KIAA0513: variants seen among roughly 807,000 people sequenced by gnomAD.
The protein encoded by KIAA0513 is KIAA0513.
Under a neutral mutation model 56.5 loss-of-function variants are expected in KIAA0513, and 39 were observed. That is an observed-to-expected ratio of 0.69 (90% CI 0.53 to 0.90). KIAA0513 has a LOEUF of 0.90. Among genes scored for constraint, KIAA0513 ranks in the 40% least tolerant of loss-of-function variants. The probability of loss-of-function intolerance (pLI) is 0.00; values close to 1 mark genes in which losing one functional copy is unlikely to be tolerated. For synonymous variants in KIAA0513, 268 were observed against 215.6 expected, an observed-to-expected ratio of 1.24 and a Z score of -2.13; for missense variants, 591 against 535.2, an observed-to-expected ratio of 1.10 and a Z score of -1.03.
chr16:85,036,803 C>G (rs1463234059), intron 1 of KIAA0513, among the ~76,000 whole-genome samples: 1 of 152,198 alleles, frequency 6.6e-6, no homozygotes, highest in African/African-American at 2.4e-5. Flanking sequence ...TTATTTCACA[C>G]ACAGTTTGGT....
At chr16:85,073,602 C>T (rs982964723) in intron 4 of KIAA0513, among the ~76,000 whole-genome samples, 1 of 152,244 alleles carries the variant, frequency 6.6e-6, no homozygotes, top group Non-Finnish European at 1.5e-5. Context: ...AGGAGCATGA[C>T]TCTCTGGGGT....
chr16:85,046,259 C>T (rs2073169969), intron 1 of KIAA0513, among the ~76,000 whole-genome samples: 1 of 152,216 alleles, frequency 6.6e-6, no homozygotes, highest in Non-Finnish European at 1.5e-5. Flanking sequence ...ATTCTCTTAG[C>T]AGTTTCTTAC....
At chr16:85,040,533 A>G (rs1328543809) in intron 1 of KIAA0513, among the ~76,000 whole-genome samples, 3 of 152,148 alleles carry the variant, frequency 2.0e-5, no homozygotes, top group Non-Finnish European at 4.4e-5. Context: ...CTGCCTCAAA[A>G]AAAAGAAACT....
chr16:85,086,331 C>A (rs368747569), intron 10 of KIAA0513, among the ~76,000 whole-genome samples: 1 of 152,258 alleles, frequency 6.6e-6, no homozygotes, highest in African/African-American at 2.4e-5. Flanking sequence ...GGGCCACCCT[C>A]GCTGCCTGTA....
intron 1 of KIAA0513, among the ~76,000 whole-genome samples, chr16:85,045,338 T>C (rs1265813118): frequency 2.0e-5 from 3 of 152,068 alleles, no homozygotes; most frequent in Admixed American, 6.6e-5. Context: ...TTATATTTGA[T>C]ACTTAAGCAG....
chr16:85,086,514 G>A, intron 10 of KIAA0513, 130 bp from the exon 11 acceptor site: 1 of 834,088 alleles, frequency 1.2e-6, no homozygotes, highest in Non-Finnish European at 2.0e-6. Flanking sequence ...CCGGTGGAAG[G>A]CACCCCCTTC....
At chr16:85,060,328 T>A (rs1413174646) in intron 1 of KIAA0513, among the ~76,000 whole-genome samples, 1 of 152,172 alleles carries the variant, frequency 6.6e-6, no homozygotes, top group Non-Finnish European at 1.5e-5. Flanking sequence ...TTGTTTGGGC[T>A]GCCAGGGAGT....
At chr16:85,044,282 C>T (rs1382612005) in intron 1 of KIAA0513, among the ~76,000 whole-genome samples, 1 of 152,134 alleles carries the variant, frequency 6.6e-6, no homozygotes, top group East Asian at 1.9e-4. Flanking sequence ...GCTGTGTGTG[C>T]AGGGACTCTA....
At chr16:85,085,442 C>G (rs150398284) in intron 10 of KIAA0513, among the ~76,000 whole-genome samples, 24 of 152,388 alleles carry the variant, frequency 1.6e-4, no homozygotes, top group African/African-American at 5.8e-4. Context: ...ATCCCAACCT[C>G]TCACCCTCTC....
rs550925720 is a variant in KIAA0513 at position 85,048,164 on chromosome 16, A to T, written c.-172-18736A>T. ...TGAGCAGAAGCGCCTGATATGCAGG[A>T]TCCTGTGGGCCTCTGGAGCCCATCC... On this transcript the variant is annotated intron_variant, in intron 1 of 12. Transcript: ENST00000683363. Among the ~76,000 whole-genome samples, 36 of 152,336 alleles carry T rather than the reference A, an allele frequency of 2.4e-4. No homozygotes were observed. In the South Asian group the frequency reaches 6.8e-3, roughly 29 times the overall value.
intron 1 of KIAA0513, among the ~76,000 whole-genome samples, chr16:85,047,596 C>T (rs766567940): frequency 2.0e-5 from 3 of 152,218 alleles, no homozygotes; most frequent in Non-Finnish European, 4.4e-5. Flanking sequence ...TGCAGGCTGA[C>T]CCCTCTGCTG....
chr16:85,067,547 G>C, intron 2 of KIAA0513, 147 bp downstream of exon 2: 1 of 643,938 alleles, frequency 1.6e-6, no homozygotes. Flanking sequence ...CGACTGCAGG[G>C]GCCTCACTCC....
intron 2 of KIAA0513, among the ~76,000 whole-genome samples, chr16:85,071,536 G>A (rs2144036189): frequency 6.6e-6 from 1 of 152,296 alleles, no homozygotes; most frequent in African/African-American, 2.4e-5. Flanking sequence ...AAGGCTGGAT[G>A]GAACTCTGGT....
rs1218759845 is a variant in KIAA0513 at position 85,067,020 on chromosome 16, C to G, written c.-52C>G. ...CCTGGGACACCAGGCTGCTGGGCTC[C>G]CCTCTAGGCAGCCTCCCCTCCAGGC... On this transcript the variant is annotated 5_prime_UTR_variant, in exon 2 of 13. Coordinates refer to ENST00000683363, the MANE Select transcript of KIAA0513 (RefSeq NM_001388359.1). The G allele has an allele frequency of 2.0e-6, 3 of 1,471,636 alleles. No individual in the cohort carries two copies. The East Asian group carries it at 6.9e-5, about 34-fold the overall frequency. The allele number at this position is 1,471,636 out of a possible 1,614,324, so 91.2% of individuals were successfully genotyped here.
chr16:85,051,938 G>T (rs754619158), intron 1 of KIAA0513, among the ~76,000 whole-genome samples: 1 of 151,750 alleles, frequency 6.6e-6, no homozygotes, highest in Non-Finnish European at 1.5e-5. Context: ...ACAGGCATAA[G>T]CCATTGTGCC....
rs143910005 is a variant in KIAA0513 at position 85,054,896 on chromosome 16, G to A, written c.-172-12004G>A. On this transcript the variant is annotated intron_variant, in intron 1 of 12. Coordinates refer to ENST00000683363, the MANE Select transcript of KIAA0513 (RefSeq NM_001388359.1). ...TTCGCTTTGTGAGGGTTCATTGAACGGCATCGTTATGATTTATGTATTTTC... is the reference window on the plus strand; with the variant it reads ...TTCGCTTTGTGAGGGTTCATTGAACAGCATCGTTATGATTTATGTATTTTC... Among the ~76,000 whole-genome samples, 262 of 152,202 alleles carry A rather than the reference G, an allele frequency of 1.7e-3. 1 individual carries two copies. Among genetic ancestry groups the A allele is most frequent in the African/African-American group, 5.9e-3 (247 of 41,524 alleles).
At chr16:85,072,515 T>C (rs1426930073) in intron 3 of KIAA0513, among the ~76,000 whole-genome samples, 1 of 152,192 alleles carries the variant, frequency 6.6e-6, no homozygotes, top group African/African-American at 2.4e-5. Context: ...TTTTTAGTTT[T>C]TGAGTATTTT....
intron 2 of KIAA0513, among the ~76,000 whole-genome samples, chr16:85,069,565 C>T (rs571065327): frequency 1.3e-5 from 2 of 152,136 alleles, no homozygotes; most frequent in East Asian, 3.9e-4. Context: ...GGTTCACTGC[C>T]TGTTAATATC....
At chr16:85,050,702 G>A (rs749220194) in intron 1 of KIAA0513, among the ~76,000 whole-genome samples, 1 of 152,198 alleles carries the variant, frequency 6.6e-6, no homozygotes, top group Non-Finnish European at 1.5e-5. Context: ...CCGCAGTGTG[G>A]TAGAGTTGGG....
Sources: allele counts gnomAD v4.1 joint callset (sites outside exome capture counted in the v4.1 genomes callset), GRCh38; gene constraint gnomAD v4.1.1; transcripts MANE v1.5; gene names NCBI Gene and HGNC (gene_info 2026-07-23, HGNC 2026-07-21).